Variants in CSPP1 observed in about 807,000 individuals in gnomAD.
CSPP1 encodes the protein centrosome and spindle pole associated protein 1.
Under a neutral mutation model 164.4 loss-of-function variants are expected in CSPP1, and 126 were observed. The observed-to-expected ratio is 0.77, with a 90% CI of 0.66 to 0.89. The LOEUF is 0.89. CSPP1 is among the 40% of genes least tolerant of loss of function. The probability of loss-of-function intolerance (pLI) is 0.00; values close to 1 mark genes in which losing one functional copy is unlikely to be tolerated. For missense variants in CSPP1, 1,395 were observed against 1,449.8 expected, an observed-to-expected ratio of 0.96 and a Z score of 0.61; for synonymous variants, 472 against 476.7, an observed-to-expected ratio of 0.99 and a Z score of 0.13.
At chr8:67,120,549 T>C (rs1818774342) in intron 15 of CSPP1, among the ~76,000 whole-genome samples, 1 of 152,204 alleles carries the variant, frequency 6.6e-6, no homozygotes, top group African/African-American at 2.4e-5. Flanking sequence ...CAATATTTCA[T>C]AGTTTTCATT....
At chr8:67,123,903 C>G (rs1819524109) in intron 15 of CSPP1, among the ~76,000 whole-genome samples, 1 of 149,216 alleles carries the variant, frequency 6.7e-6, no homozygotes, top group African/African-American at 2.5e-5. Context: ...CGCGGCCAGG[C>G]TCTTTTTTTT....
At chr8:67,086,830 CACAAGGGAAAAGA>C in intron 4 of CSPP1, 4 of 1,359,444 alleles carry the variant, frequency 2.9e-6, no homozygotes, top group Non-Finnish European at 3.0e-6. Flanking sequence ...TAGGGCATTA[CACAAGGGAAAAGA>C]AAGGTAGGGT....
chr8:67,192,067 TTTTTTTTTTTG>T (rs914224547), intron 29 of CSPP1, among the ~76,000 whole-genome samples: 12 of 119,924 alleles, frequency 1.0e-4, no homozygotes, highest in Admixed American at 3.1e-4. Context: ...TGCTGATTTG[TTTTTTTTTTTG>T]TTTTTTTTTT....
chr8:67,153,430 AT>A (rs1398799735), intron 18 of CSPP1, among the ~76,000 whole-genome samples: 1 of 152,094 alleles, frequency 6.6e-6, no homozygotes, highest in African/African-American at 2.4e-5. Flanking sequence ...ATACTAAAAA[AT>A]TTTTGTTCAT....
chr8:67,162,150 T>C (rs531808939), intron 22 of CSPP1, among the ~76,000 whole-genome samples: 3 of 152,230 alleles, frequency 2.0e-5, no homozygotes, highest in Non-Finnish European at 4.4e-5. Flanking sequence ...GCTGTAGATA[T>C]GCTCATTGAG....
chr8:67,115,630 C>T (rs1404828746), intron 12 of CSPP1, among the ~76,000 whole-genome samples: 1 of 151,990 alleles, frequency 6.6e-6, no homozygotes, highest in Non-Finnish European at 1.5e-5. Context: ...GAGATCATGC[C>T]ACTGCATTCC....
intron 15 of CSPP1, among the ~76,000 whole-genome samples, chr8:67,128,413 C>T (rs2129553432): frequency 6.6e-6 from 1 of 152,058 alleles, no homozygotes; most frequent in East Asian, 1.9e-4. Flanking sequence ...GTGGCACATG[C>T]CTGTAGTTCT....
intron 9 of CSPP1, 89 bp from the exon 10 acceptor site, chr8:67,111,883 A>G: frequency 2.9e-6 from 2 of 697,790 alleles, no homozygotes; most frequent in Non-Finnish European, 4.9e-6. Context: ...TATATGATAC[A>G]ATTAAGATGG....
chr8:67,171,935 C>T (rs1201225458), intron 24 of CSPP1, among the ~76,000 whole-genome samples: 2 of 151,866 alleles, frequency 1.3e-5, no homozygotes, highest in African/African-American at 4.8e-5. Flanking sequence ...GCAACCTCCA[C>T]CTCTTGGGTT....
At position 67,175,436 on chromosome 8, in the gene CSPP1, G is replaced by A. The variant is rs200546493; in HGVS notation, c.3109G>A (p.Val1037Ile). Reference protein sequence around the residue: ...NRIKMQEGAKVDLDAIPSAKV... With the variant: ...NRIKMQEGAKIDLDAIPSAKV... ...AATAAAAATGCAGGAAGGTGCCAAA[G>A]GTAAGAAATAATCATTGCTGTGTCA... The change falls in exon 26 of 31, where the codon GTT (valine) becomes ATT (isoleucine). Residue 1037 changes from valine (V) to isoleucine (I), a missense_variant and splice_region_variant. Transcript: ENST00000678616. The A allele has an allele frequency of 3.6e-5, 58 of 1,614,110 alleles. No homozygotes were observed. In the Middle Eastern group the frequency reaches 6.6e-4, roughly 18 times the overall value.
intron 24 of CSPP1, among the ~76,000 whole-genome samples, chr8:67,165,033 C>T (rs1375547677): frequency 1.3e-5 from 2 of 152,164 alleles, no homozygotes; most frequent in Non-Finnish European, 2.9e-5. Context: ...CCTGTAATCC[C>T]AGCACTTTTG....
At chr8:67,186,649 A>T (rs184414942) in intron 28 of CSPP1, among the ~76,000 whole-genome samples, 2 of 152,220 alleles carry the variant, frequency 1.3e-5, no homozygotes, top group Admixed American at 1.3e-4. Context: ...ACTGATTAAC[A>T]TCATACTGGA....
chr8:67,077,862 G>A (rs1217977299), intron 3 of CSPP1, among the ~76,000 whole-genome samples: 1 of 152,188 alleles, frequency 6.6e-6, no homozygotes, highest in African/African-American at 2.4e-5. Context: ...CTCTGCATTA[G>A]ACAAATAGCT....
intron 13 of CSPP1, 25 bp downstream of exon 13, chr8:67,116,147 T>G (rs752171977): frequency 2.6e-6 from 4 of 1,542,182 alleles, no homozygotes; most frequent in Non-Finnish European, 3.6e-6. Flanking sequence ...GTTTTGTGTT[T>G]GGGAATTAGG....
At chr8:67,091,175 A>G (rs773219204) in intron 4 of CSPP1, among the ~76,000 whole-genome samples, 33 of 152,238 alleles carry the variant, frequency 2.2e-4, no homozygotes, top group Non-Finnish European at 4.0e-4. Context: ...TGTCTGTCAG[A>G]AAAGTTAAGT....
chr8:67,160,239 C>A (rs533403873), intron 21 of CSPP1, among the ~76,000 whole-genome samples: 1 of 150,688 alleles, frequency 6.6e-6, no homozygotes, highest in Non-Finnish European at 1.5e-5. Context: ...TCGAGGCAGG[C>A]GGATCACTTG....
At chr8:67,092,219 G>A (rs1037920028) in intron 5 of CSPP1, among the ~76,000 whole-genome samples, 3 of 152,066 alleles carry the variant, frequency 2.0e-5, no homozygotes, top group Admixed American at 6.5e-5. Context: ...TGGAATAAGT[G>A]GATGTGAAAT....
chr8:67,118,476 T>A, intron 14 of CSPP1, 107 bp downstream of exon 14: 1 of 1,155,974 alleles, frequency 8.7e-7, no homozygotes, highest in Non-Finnish European at 1.3e-6. Flanking sequence ...CAACTTTGCT[T>A]AATTCAGATG....
At chr8:67,117,890 T>A (rs1818243605) in intron 13 of CSPP1, among the ~76,000 whole-genome samples, 2 of 152,206 alleles carry the variant, frequency 1.3e-5, no homozygotes, top group Admixed American at 1.3e-4. Context: ...TGTACTATTA[T>A]TAATTATTTA....
Sources: gnomAD v4.1 joint callset for allele counts (sites outside exome capture counted in the v4.1 genomes callset) on GRCh38, gnomAD v4.1.1 for gene constraint, MANE v1.5 for transcripts, NCBI Gene and HGNC (gene_info 2026-07-23, HGNC 2026-07-21) for gene names.